The following CCDC7 variants were observed in gnomAD, a reference collection of about 807,000 sequenced individuals.
CCDC7 encodes the protein coiled-coil domain containing 7, also known as coiled-coil domain-containing protein 7.
A neutral mutation model predicts 196.9 loss-of-function variants in CCDC7; 183 were observed. The ratio of observed to expected loss-of-function variants is 0.93; its 90% CI spans 0.82 to 1.05. The LOEUF is 1.05. CCDC7 is among the 50% of genes least tolerant of loss of function. CCDC7 has a pLI of 0.00. For missense variants in CCDC7, 1,540 were observed against 1,482.2 expected (o/e 1.04, Z -0.64); for synonymous variants, 525 against 484.6 (o/e 1.08, Z -1.10).
intron 28 of CCDC7, among the ~76,000 whole-genome samples, chr10:32,775,354 A>G (rs891580975): frequency 6.6e-6 from 1 of 152,134 alleles, no homozygotes; most frequent in African/African-American, 2.4e-5. Flanking sequence ...GTGAGGGCAA[A>G]GGGGAGCTTT....
intron 41 of CCDC7, among the ~76,000 whole-genome samples, chr10:32,858,445 CTT>C (rs1043377286): frequency 2.6e-5 from 4 of 152,068 alleles, no homozygotes; most frequent in African/African-American, 7.2e-5. Flanking sequence ...CATTATCAAA[CTT>C]AATTGAAAAC....
intron 28 of CCDC7, among the ~76,000 whole-genome samples, chr10:32,735,709 A>G (rs2084749738): frequency 6.6e-6 from 1 of 151,952 alleles, no homozygotes; most frequent in Non-Finnish European, 1.5e-5. Flanking sequence ...TTATTCATGG[A>G]TTGTGCTTTT....
intron 28 of CCDC7, among the ~76,000 whole-genome samples, chr10:32,739,069 T>C (rs1446370765): frequency 6.6e-6 from 1 of 152,160 alleles, no homozygotes; most frequent in Non-Finnish European, 1.5e-5. Flanking sequence ...ATTTTCTTTT[T>C]GTCTTTGATT....
intron 18 of CCDC7, among the ~76,000 whole-genome samples, chr10:32,597,795 C>A (rs1262876112): frequency 6.6e-6 from 1 of 152,218 alleles, no homozygotes; most frequent in Non-Finnish European, 1.5e-5. Flanking sequence ...CCACGCCAGA[C>A]CCTGTTTGCC....
In CCDC7 at chr10:32,664,138, CTT is replaced by C. The variant is rs1263273538; in HGVS notation, c.2101_2102del (p.Phe701ProfsTer3). The C allele has an allele frequency of 7.6e-6, 3 of 396,096 alleles. No individual in the cohort carries two copies. Among genetic ancestry groups the C allele is most frequent in the African/African-American group, 6.2e-5 (3 of 48,506 alleles). 24.5% of individuals were successfully genotyped at this position (396,096 alleles called of 1,614,324 possible). On this transcript the variant is annotated frameshift_variant, in exon 21 of 42. Coordinates refer to ENST00000639629, the Ensembl canonical transcript of CCDC7. LOFTEE classifies it high-confidence loss of function. The stretch of plus-strand genomic sequence containing the variant: ...GAAGTAGAAGTAAAGAAACAAAAAT[CTT>C]TCCAAGATAATCAACTCAGTAGTAA...
At chr10:32,619,473 T>G (rs2063138621) in intron 18 of CCDC7, among the ~76,000 whole-genome samples, 1 of 152,190 alleles carries the variant, frequency 6.6e-6, no homozygotes, top group Non-Finnish European at 1.5e-5. Flanking sequence ...TTTGATCAAA[T>G]TAATATAAAA....
intron 11 of CCDC7, among the ~76,000 whole-genome samples, chr10:32,522,089 T>G (rs2062205668): frequency 6.6e-6 from 1 of 152,208 alleles, no homozygotes; most frequent in Admixed American, 6.5e-5. Context: ...TAGAGTTTTG[T>G]TGAGAATTCT....
At chr10:32,653,654 A>T (rs2069199658) in intron 20 of CCDC7, among the ~76,000 whole-genome samples, 1 of 152,146 alleles carries the variant, frequency 6.6e-6, no homozygotes, top group Non-Finnish European at 1.5e-5. Context: ...TTCTTCTTAT[A>T]GCTGAGAAAA....
rs892168442 is a variant in CCDC7, at chr10:32,845,282, G to C, written c.3392G>C (p.Gly1131Ala). The change falls in exon 34 of 42, where the codon GGT (glycine) becomes GCT (alanine). Residue 1131 changes from glycine (G) to alanine (A), a missense_variant. Physicochemically the swap from Gly to Ala is moderately conservative, Grantham distance 60. Coordinates refer to ENST00000639629, the Ensembl canonical transcript of CCDC7. The stretch of plus-strand genomic sequence containing the variant: ...CACTTAGCAGATGATACTGGAAGAG[G>C]TATAATAAAGGGATCAATCAATGCA... 5.7e-6 allele frequency: 9 copies of C among 1,575,866 alleles called. No individual in the cohort carries two copies. In the Admixed American group the frequency reaches 1.6e-4, roughly 29 times the overall value.
intron 28 of CCDC7, among the ~76,000 whole-genome samples, chr10:32,760,298 AT>A (rs2077227968): frequency 6.6e-6 from 1 of 152,194 alleles, no homozygotes; most frequent in Admixed American, 6.5e-5. Flanking sequence ...ATGCACATGT[AT>A]GTTTATTGTG....
At chr10:32,876,489 G>C, downstream of CCDC7, 8 of 1,178,782 alleles carry the variant, frequency 6.8e-6, no homozygotes, top group Non-Finnish European at 1.0e-5. Flanking sequence ...AAATAATACT[G>C]ACTCGTGTGG....
At chr10:32,729,292 AT>A in intron 27 of CCDC7, 39 bp from the exon 29 acceptor site, 1 of 1,509,070 alleles carries the variant, frequency 6.6e-7, no homozygotes, top group Non-Finnish European at 8.9e-7. Flanking sequence ...TACTTGGCAT[AT>A]CCAGAAGTTC....
In CCDC7 at chr10:32,622,410, TCTC is replaced by T. The variant is rs1422972322; in HGVS notation, c.1802-11841_1802-11839del. ...ATCCCACCTAACTCCATTCGAGCCT[TCTC>T]CTGCTTGGGCAGCAATTTAGATAAT... is the stretch of plus-strand genomic sequence containing the variant. On this transcript the variant is annotated intron_variant, in intron 18 of 41. Coordinates refer to ENST00000639629, the Ensembl canonical transcript of CCDC7. Among the ~76,000 whole-genome samples, 7 of 152,008 alleles carry T rather than the reference TCTC, an allele frequency of 4.6e-5. No individual in the cohort carries two copies. In the East Asian group the frequency reaches 1.4e-3, roughly 30 times the overall value.
intron 18 of CCDC7, among the ~76,000 whole-genome samples, chr10:32,595,418 G>A (rs191007650): frequency 3.8e-4 from 58 of 152,132 alleles, no homozygotes; most frequent in African/African-American, 7.7e-4. Flanking sequence ...TTTTTATTGC[G>A]TCTATTTGAT....
intron 21 of CCDC7, among the ~76,000 whole-genome samples, chr10:32,684,497 G>C (rs1173541168): frequency 1.3e-5 from 2 of 152,162 alleles, no homozygotes; most frequent in Non-Finnish European, 2.9e-5. Context: ...CCCTGGCTCT[G>C]TGCCAATCCC....
intron 28 of CCDC7, among the ~76,000 whole-genome samples, chr10:32,766,342 T>C (rs1040533901): frequency 6.6e-6 from 1 of 151,990 alleles, no homozygotes; most frequent in African/African-American, 2.4e-5. Flanking sequence ...CTCACTCACT[T>C]ACTGAGTGAC....
downstream of CCDC7, among the ~76,000 whole-genome samples, chr10:32,878,514 G>A (rs1336823445): frequency 6.6e-6 from 1 of 152,082 alleles, no homozygotes; most frequent in Non-Finnish European, 1.5e-5. Flanking sequence ...ATATTGAGCA[G>A]GGGATGCCAG....
In CCDC7 at chr10:32,603,092, C is replaced by T. The variant is rs79653630; in HGVS notation, c.1801+18788C>T. 6.5e-3 allele frequency among the ~76,000 whole-genome samples: 994 copies of T among 152,110 alleles called. 7 individuals carry two copies. Among genetic ancestry groups the T allele is most frequent in the African/African-American group, 0.023 (943 of 41,494 alleles). ...TGTGTTTTAACGCATTAGCTAATGTCGCTTCATTCTCCCACCCCTTCCCAG... is the reference window on the plus strand; with the variant it reads ...TGTGTTTTAACGCATTAGCTAATGTTGCTTCATTCTCCCACCCCTTCCCAG... On this transcript the variant is annotated intron_variant, in intron 18 of 41. Coordinates refer to ENST00000639629, the Ensembl canonical transcript of CCDC7.
chr10:32,757,186 A>C (rs1208021098), intron 28 of CCDC7, among the ~76,000 whole-genome samples: 1 of 152,214 alleles, frequency 6.6e-6, no homozygotes, highest in Admixed American at 6.5e-5. Context: ...AACATTAGAC[A>C]GATCAATGAG....
Sources: gnomAD v4.1 joint callset for allele counts (sites outside exome capture counted in the v4.1 genomes callset) on GRCh38, gnomAD v4.1.1 for gene constraint, MANE v1.5 for transcripts, NCBI Gene and HGNC (gene_info 2026-07-23, HGNC 2026-07-21) for gene names.